Variants in RALYL observed in about 807,000 individuals in gnomAD.
RALYL encodes RALY RNA binding protein like.
RALYL carries 29 observed loss-of-function variants against 35.1 expected under a neutral mutation model. The observed-to-expected ratio is 0.83, with a 90% CI of 0.61 to 1.13. RALYL has a LOEUF of 1.13. Ranked by LOEUF, RALYL falls within the 50% of genes most tolerant of loss-of-function variation. RALYL has a pLI of 0.00. For missense variants in RALYL, 359 were observed against 360.4 expected, an observed-to-expected ratio of 1.00 and a Z score of 0.03; for synonymous variants, 120 against 127.6, an observed-to-expected ratio of 0.94 and a Z score of 0.40.
intron 1 of RALYL, among the ~76,000 whole-genome samples, chr8:84,355,237 C>A (rs1012016701): frequency 6.6e-6 from 1 of 150,378 alleles, no homozygotes. Context: ...GAGACAAGGA[C>A]TCTGCCGGGA....
At chr8:84,856,885 G>T (rs1454037125) in intron 5 of RALYL, among the ~76,000 whole-genome samples, 2 of 151,046 alleles carry the variant, frequency 1.3e-5, no homozygotes, top group South Asian at 2.1e-4. Context: ...AAAATTAGCC[G>T]GGCGCGGTGG....
intron 6 of RALYL, among the ~76,000 whole-genome samples, chr8:84,866,940 G>C (rs1300906744): frequency 2.0e-5 from 3 of 152,168 alleles, no homozygotes; most frequent in Admixed American, 1.3e-4. Context: ...ACATCTATAT[G>C]ATGGGTGGCA....
chr8:84,812,912 C>T (rs553481010), intron 4 of RALYL, among the ~76,000 whole-genome samples: 2 of 152,292 alleles, frequency 1.3e-5, no homozygotes, highest in South Asian at 2.1e-4. Context: ...TCCCGCTCTC[C>T]CTTGAATTTT....
chr8:84,511,312 C>T (rs888489775), intron 1 of RALYL, among the ~76,000 whole-genome samples: 4 of 152,176 alleles, frequency 2.6e-5, no homozygotes, highest in African/African-American at 9.7e-5. Flanking sequence ...CTTCAGTTTG[C>T]ATTCATGCAT....
intron 1 of RALYL, among the ~76,000 whole-genome samples, chr8:84,385,087 T>A (rs1418173625): frequency 1.3e-5 from 2 of 151,838 alleles, no homozygotes; most frequent in Non-Finnish European, 2.9e-5. Context: ...CAAAAGTTAA[T>A]CCTTTAGTCA....
intron 1 of RALYL, among the ~76,000 whole-genome samples, chr8:84,262,316 G>A (rs1832468966): frequency 6.6e-6 from 1 of 151,968 alleles, no homozygotes; most frequent in Non-Finnish European, 1.5e-5. Flanking sequence ...ATTCACAATG[G>A]AAACTCAAAA....
Position 84,619,275 on chromosome 8 carries a change from C to T in RALYL, c.256+89698C>T, listed in dbSNP as rs191976355. On this transcript the variant is annotated intron_variant, in intron 2 of 8. Transcript: ENST00000521268. ...AGGACTTGCTTTATGAATCTGGGTG[C>T]TCCGTGTTGGGTGCATATATATTTA... Among the ~76,000 whole-genome samples, 561 of 151,858 alleles carry T rather than the reference C, an allele frequency of 3.7e-3. 17 individuals carry two copies. The highest frequency in any genetic ancestry group is 0.013 in the African/African-American group (534 of 41,152).
chr8:84,887,861 A>C, intron 8 of RALYL, 85 bp downstream of exon 8: 2 of 1,267,164 alleles, frequency 1.6e-6, no homozygotes, highest in Non-Finnish European at 2.2e-6. Context: ...ATAAGGATTA[A>C]ATCATTTGGG....
chr8:84,366,868 C>G (rs1854413575), intron 1 of RALYL, among the ~76,000 whole-genome samples: 2 of 148,788 alleles, frequency 1.3e-5, no homozygotes, highest in Non-Finnish European at 3.0e-5. Flanking sequence ...ATGATAACAG[C>G]TGGATACTAT....
At chr8:84,326,941 G>A (rs570205564) in intron 1 of RALYL, among the ~76,000 whole-genome samples, 2 of 151,542 alleles carry the variant, frequency 1.3e-5, no homozygotes, top group East Asian at 3.9e-4. Context: ...TATGAGGAAG[G>A]ACTAAAGTGT....
intron 8 of RALYL, among the ~76,000 whole-genome samples, chr8:84,892,811 A>T (rs190263630): frequency 1.1e-4 from 17 of 152,250 alleles, no homozygotes; most frequent in African/African-American, 4.1e-4. Context: ...AAGACTAAAA[A>T]TCTGTGATTC....
intron 4 of RALYL, among the ~76,000 whole-genome samples, chr8:84,811,596 C>A (rs978627258): frequency 2.6e-5 from 4 of 152,124 alleles, no homozygotes; most frequent in African/African-American, 9.7e-5. Context: ...CTCGATTTTT[C>A]CCCCAAATAT....
In RALYL at chr8:84,921,705, C is replaced by G; in HGVS notation, c.*794C>G. 1 of 152,142 alleles carries G rather than the reference C, an allele frequency of 6.6e-6. No individual in the cohort carries two copies. Among genetic ancestry groups the G allele is most frequent in the Non-Finnish European group, 1.5e-5 (1 of 68,000 alleles). The allele number at this position is 152,142 out of a possible 1,614,324, so 9.4% of individuals were successfully genotyped here. On this transcript the variant is annotated 3_prime_UTR_variant, in exon 9 of 9. Coordinates refer to ENST00000521268, the MANE Select transcript of RALYL (RefSeq NM_173848.7). Reference sequence around the variant, plus strand: ...TTCACCTCCTGTTCCTAGGAACTCTCCATTCCCAAGCATTGCCAGTGTTTT... The same window carrying G: ...TTCACCTCCTGTTCCTAGGAACTCTGCATTCCCAAGCATTGCCAGTGTTTT...
Position 84,525,657 on chromosome 8 carries a change from A to G in RALYL, c.-23-3642A>G, listed in dbSNP as rs138267311. ...ATATTAACTCACTGAGGCTCTGTAT[A>G]TTTTTTCAATGTTTTATCCCTATAC... On this transcript the variant is annotated intron_variant, in intron 1 of 8. Coordinates refer to ENST00000521268, the MANE Select transcript of RALYL (RefSeq NM_173848.7). 7.8e-4 allele frequency among the ~76,000 whole-genome samples: 118 copies of G among 152,088 alleles called. No individual in the cohort carries two copies. In the East Asian group the frequency reaches 0.022, roughly 28 times the overall value.
rs568236731 is a variant in RALYL, at chr8:84,704,749, T to C, written c.257-69830T>C. 3.3e-5 allele frequency among the ~76,000 whole-genome samples: 5 copies of C among 152,204 alleles called. No individual in the cohort carries two copies. In the East Asian group the frequency reaches 7.7e-4, roughly 24 times the overall value. On this transcript the variant is annotated intron_variant, in intron 2 of 8. Coordinates refer to ENST00000521268, the MANE Select transcript of RALYL (RefSeq NM_173848.7). ...AAAGTCAAGGACACTGAACAGAATATTGCTGAAAACTTATAGAATATTATT... is the reference window on the plus strand; with the variant it reads ...AAAGTCAAGGACACTGAACAGAATACTGCTGAAAACTTATAGAATATTATT...
At chr8:84,348,000 A>G (rs1850172771) in intron 1 of RALYL, among the ~76,000 whole-genome samples, 1 of 152,148 alleles carries the variant, frequency 6.6e-6, no homozygotes, top group East Asian at 1.9e-4. Flanking sequence ...AAAGTTTAGC[A>G]TTTGCTTTTT....
At chr8:84,796,130 G>C (rs2133909999) in intron 3 of RALYL, among the ~76,000 whole-genome samples, 1 of 152,302 alleles carries the variant, frequency 6.6e-6, no homozygotes, top group South Asian at 2.1e-4. Context: ...GGCATGCTCA[G>C]ACTTCTTTGC....
chr8:84,362,665 T>C (rs1048471773), intron 1 of RALYL, among the ~76,000 whole-genome samples: 2 of 152,122 alleles, frequency 1.3e-5, no homozygotes, highest in Admixed American at 1.3e-4. Flanking sequence ...TGAAACACTT[T>C]TATCCCAAAA....
intron 1 of RALYL, among the ~76,000 whole-genome samples, chr8:84,309,882 G>A (rs910400738): frequency 8.6e-5 from 13 of 152,008 alleles, no homozygotes; most frequent in African/African-American, 2.7e-4. Flanking sequence ...CCGCCACCAC[G>A]ACCGGCTAAT....
Sources: gnomAD v4.1 joint callset for allele counts (sites outside exome capture counted in the v4.1 genomes callset) on GRCh38, gnomAD v4.1.1 for gene constraint, MANE v1.5 for transcripts, NCBI Gene and HGNC (gene_info 2026-07-23, HGNC 2026-07-21) for gene names.